The following ANK1 variants were observed in gnomAD, a reference collection of about 807,000 sequenced individuals.
The protein encoded by ANK1 is ankyrin-1.
ANK1 carries 51 observed loss-of-function variants against 210.4 expected under a neutral mutation model. The observed-to-expected ratio is 0.24, with a 90% CI of 0.19 to 0.31. The LOEUF (loss-of-function observed/expected upper bound fraction) is 0.31. Ranked by LOEUF, ANK1 falls within the 10% of genes least tolerant of loss-of-function variation. The probability of loss-of-function intolerance (pLI) is 1.00; values close to 1 mark genes in which losing one functional copy is unlikely to be tolerated. For synonymous variants in ANK1, 967 were observed against 1,025.9 expected, an observed-to-expected ratio of 0.94 and a Z score of 1.10; for missense variants, 2,051 against 2,504.4, an observed-to-expected ratio of 0.82 and a Z score of 3.86.
intron 1 of ANK1, among the ~76,000 whole-genome samples, chr8:41,810,473 C>T (rs1802319168): frequency 6.6e-6 from 1 of 152,256 alleles, no homozygotes; most frequent in African/African-American, 2.4e-5. Context: ...GAACGTGTTT[C>T]CACGGTGAAG....
intron 42 of ANK1, among the ~76,000 whole-genome samples, chr8:41,656,437 T>TCTC (rs1463946151): frequency 6.6e-6 from 1 of 152,182 alleles, no homozygotes; most frequent in African/African-American, 2.4e-5. Context: ...TGCATCCTCC[T>TCTC]CTCCTCCTCC....
At chr8:41,864,315 C>T (rs967405468) in intron 1 of ANK1, among the ~76,000 whole-genome samples, 2 of 151,652 alleles carry the variant, frequency 1.3e-5, no homozygotes, top group African/African-American at 4.8e-5. Context: ...AATTATTTCT[C>T]CCATTGGGTT....
At chr8:41,690,179 A>C in intron 33 of ANK1, 48 bp downstream of exon 33, 1 of 1,613,498 alleles carries the variant, frequency 6.2e-7, no homozygotes, top group Non-Finnish European at 8.5e-7. Context: ...GGGACCTCCT[A>C]CAGGGAAGCC....
chr8:41,809,270 T>C (rs10090278), intron 1 of ANK1, among the ~76,000 whole-genome samples: 2,061 of 152,238 alleles, frequency 0.014, 50 homozygotes, highest in African/African-American at 0.048. Context: ...TTTGAGGATC[T>C]GTAAAACAAA....
intron 1 of ANK1, among the ~76,000 whole-genome samples, chr8:41,885,863 C>A (rs888739217): frequency 6.6e-6 from 1 of 152,180 alleles, no homozygotes; most frequent in Non-Finnish European, 1.5e-5. Context: ...GTTTCTGATT[C>A]TTCACTCTGA....
chr8:41,659,212 C>T (rs1011093659), intron 42 of ANK1, among the ~76,000 whole-genome samples: 39 of 152,330 alleles, frequency 2.6e-4, no homozygotes, highest in African/African-American at 6.5e-4. Context: ...TCTTGCACTT[C>T]GCACCAGACA....
At position 41,654,975 on chromosome 8, in the gene ANK1, A is replaced by C. The variant is rs955546323; in HGVS notation, c.*815T>G. 3.3e-5 allele frequency: 5 copies of C among 152,504 alleles called. No individual in the cohort carries two copies. Among genetic ancestry groups the C allele is most frequent in the African/African-American group, 1.2e-4 (5 of 41,380 alleles). 9.4% of individuals were successfully genotyped at this position (152,504 alleles called of 1,614,324 possible). ...CCCTAACACAAGGAACCCCGAATGC[A>C]CTCTTCAAGGTAATGATTTTCCATT... On this transcript the variant is annotated 3_prime_UTR_variant, in exon 43 of 43. Transcript: ENST00000289734.
intron 3 of ANK1, among the ~76,000 whole-genome samples, chr8:41,730,286 C>T (rs1404728796): frequency 6.6e-6 from 1 of 152,162 alleles, no homozygotes; most frequent in Non-Finnish European, 1.5e-5. Flanking sequence ...AGTTCTGTTT[C>T]TTGTACTCTG....
intron 3 of ANK1, among the ~76,000 whole-genome samples, chr8:41,728,950 C>G (rs557393931): frequency 3.6e-4 from 55 of 152,286 alleles, no homozygotes; most frequent in African/African-American, 1.3e-3. Context: ...TCTGAGAGGC[C>G]TGGGAGCGCC....
chr8:41,764,076 T>A (rs1208345721), intron 1 of ANK1, among the ~76,000 whole-genome samples: 2 of 152,050 alleles, frequency 1.3e-5, no homozygotes, highest in Non-Finnish European at 2.9e-5. Flanking sequence ...AATATCCTGC[T>A]AGGGCAAAGA....
chr8:41,733,307 G>A (rs1832675935), intron 3 of ANK1, among the ~76,000 whole-genome samples: 2 of 152,174 alleles, frequency 1.3e-5, no homozygotes, highest in Admixed American at 1.3e-4. Context: ...GTTTGGGGCT[G>A]AACAAGGAAG....
chr8:41,838,764 C>G (rs1808285538), intron 1 of ANK1, among the ~76,000 whole-genome samples: 1 of 72,632 alleles, frequency 1.4e-5, no homozygotes, highest in African/African-American at 6.6e-5. Flanking sequence ...GACTCCGTCT[C>G]AAAAATAATA....
chr8:41,692,291 A>C (rs988167978), intron 31 of ANK1, among the ~76,000 whole-genome samples: 2 of 152,212 alleles, frequency 1.3e-5, no homozygotes, highest in African/African-American at 4.8e-5. Flanking sequence ...TCCTGACCTC[A>C]GGTGATCTGC....
At chr8:41,887,854 G>A (rs1279751771) in intron 1 of ANK1, among the ~76,000 whole-genome samples, 1 of 152,178 alleles carries the variant, frequency 6.6e-6, no homozygotes, top group Non-Finnish European at 1.5e-5. Flanking sequence ...TGTAAAATAC[G>A]TCACCACATG....
rs182790218 is a variant in ANK1 at position 41,744,684 on chromosome 8, G to A, written c.130-10615C>T. Among the ~76,000 whole-genome samples, 251 of 152,120 alleles carry A rather than the reference G, an allele frequency of 1.7e-3. 4 individuals are homozygous for A. In the East Asian group the frequency reaches 0.041, roughly 25 times the overall value. On this transcript the variant is annotated intron_variant, in intron 2 of 42. Transcript: ENST00000289734. ...CCCAAGTAGCTGGGACTACAGGCCC[G>A]CCACCACGCCCAGCTAATTTTTTTA... is the stretch of plus-strand genomic sequence containing the variant.
chr8:41,790,505 G>C (rs1847444372), intron 1 of ANK1, among the ~76,000 whole-genome samples: 1 of 151,976 alleles, frequency 6.6e-6, no homozygotes, highest in Non-Finnish European at 1.5e-5. Flanking sequence ...GGAGCTCAGG[G>C]AGCGAGCTTC....
At chr8:41,774,893 G>A (rs2150738984) in intron 1 of ANK1, among the ~76,000 whole-genome samples, 1 of 152,350 alleles carries the variant, frequency 6.6e-6, no homozygotes, top group South Asian at 2.1e-4. Flanking sequence ...ATGTGGATGA[G>A]CGGCACTGCC....
intron 6 of ANK1, among the ~76,000 whole-genome samples, chr8:41,725,434 G>T (rs963644475): frequency 1.3e-5 from 2 of 151,948 alleles, no homozygotes; most frequent in African/African-American, 2.4e-5. Flanking sequence ...CGGGGCAGCC[G>T]GGGAGGAGAG....
chr8:41,701,778 A>G (rs1822868653), intron 21 of ANK1, among the ~76,000 whole-genome samples, 156 bp from the exon 22 acceptor site: 1 of 152,218 alleles, frequency 6.6e-6, no homozygotes, highest in African/African-American at 2.4e-5. Context: ...GGCAGGAACC[A>G]CGGGGACGGG....
Sources: gnomAD v4.1 joint callset for allele counts (sites outside exome capture counted in the v4.1 genomes callset) on GRCh38, gnomAD v4.1.1 for gene constraint, MANE v1.5 for transcripts, NCBI Gene and HGNC (gene_info 2026-07-23, HGNC 2026-07-21) for gene names.